MYH3: variants seen among roughly 807,000 people sequenced by gnomAD.
The protein encoded by MYH3 is myosin heavy chain 3.
Under a neutral mutation model 238.0 loss-of-function variants are expected in MYH3, and 130 were observed. That is an observed-to-expected ratio of 0.55 (90% CI 0.47 to 0.63). The LOEUF (loss-of-function observed/expected upper bound fraction) is 0.63. Ranked by LOEUF, MYH3 falls within the 30% of genes least tolerant of loss-of-function variation. MYH3 has a pLI of 0.00. For missense variants in MYH3, 1,853 were observed against 2,374.9 expected (o/e 0.78, Z 4.57); for synonymous variants, 880 against 924.1 (o/e 0.95, Z 0.86).
intron 3 of MYH3, among the ~76,000 whole-genome samples, chr17:10,653,804 G>A (rs2074401496): frequency 1.3e-5 from 2 of 152,192 alleles, no homozygotes; most frequent in Admixed American, 6.5e-5. Flanking sequence ...GGCCCTGGCT[G>A]TCTATGATGG....
intron 28 of MYH3, 116 bp from the exon 29 acceptor site, chr17:10,635,969 G>A: frequency 1.1e-6 from 1 of 908,570 alleles, no homozygotes; most frequent in South Asian, 1.3e-5. Context: ...ATAAGATATG[G>A]TTTCTTCTTC....
intron 7 of MYH3, among the ~76,000 whole-genome samples, chr17:10,649,151 G>C (rs565337365): frequency 3.3e-5 from 5 of 152,338 alleles, no homozygotes; most frequent in Admixed American, 6.5e-5. Context: ...TGGCACTACA[G>C]TTGGGGATCT....
At chr17:10,655,139 G>A in intron 2 of MYH3, 67 bp from the exon 3 acceptor site, 12 of 1,307,742 alleles carry the variant, frequency 9.2e-6, no homozygotes. Context: ...CTCCAGGCCT[G>A]TTTCAGCCTC....
the MYH3 span, among the ~76,000 whole-genome samples, chr17:10,664,729 G>A: frequency 1.3e-5 from 2 of 152,142 alleles, no homozygotes; most frequent in African/African-American, 2.4e-5. Flanking sequence ...GGCTACCGTC[G>A]CAGGCTGCAT....
chr17:10,666,436 T>G, the MYH3 span, among the ~76,000 whole-genome samples: 1 of 94,598 alleles, frequency 1.1e-5, no homozygotes, highest in Non-Finnish European at 2.4e-5. Flanking sequence ...CCAGCAGGCA[T>G]GGTGGTGCAT....
chr17:10,653,784 C>G (rs1310786972), intron 3 of MYH3, among the ~76,000 whole-genome samples: 1 of 152,180 alleles, frequency 6.6e-6, no homozygotes, highest in Non-Finnish European at 1.5e-5. Flanking sequence ...TCAAACCATC[C>G]CGGCCAATGG....
intron 7 of MYH3, among the ~76,000 whole-genome samples, 166 bp from the exon 8 acceptor site, chr17:10,648,815 A>G (rs896844699): frequency 4.6e-5 from 7 of 152,102 alleles, no homozygotes; most frequent in Non-Finnish European, 1.0e-4. Context: ...ACCTGGGACT[A>G]CAGGCATGCA....
At chr17:10,633,499 CA>C in intron 33 of MYH3, 91 bp downstream of exon 33, 2 of 1,570,798 alleles carry the variant, frequency 1.3e-6, no homozygotes, top group East Asian at 2.2e-5. Context: ...TTGACAAAGG[CA>C]AAAATGGAGA....
chr17:10,669,789 T>TA, the MYH3 span, among the ~76,000 whole-genome samples: 1 of 152,072 alleles, frequency 6.6e-6, no homozygotes, highest in South Asian at 2.1e-4. Flanking sequence ...TATGTGCCTG[T>TA]AGTCCTAGCT....
Position 10,640,170 on chromosome 17 carries a change from C to T in MYH3, c.2508G>A (p.Lys836=). 6.2e-7 allele frequency: 1 copy of T among 1,614,196 alleles called. No homozygotes were observed. The highest frequency in any genetic ancestry group is 8.5e-7 in the Non-Finnish European group (1 of 1,180,050). ...CTGCACTCTTGAGGAGGGGCTTGAT[C>T]TTGAAGAAGAGTTTCATCCAGGGCC... ...KHWPWMKLFF[K]IKPLLKSAET... The change falls in exon 22 of 41, where the codon AAG becomes AAA. Residue 836 remains lysine, a synonymous_variant. Transcript: ENST00000583535.
At chr17:10,650,064 TG>T in intron 6 of MYH3, among the ~76,000 whole-genome samples, 1 of 152,278 alleles carries the variant, frequency 6.6e-6, no homozygotes, top group Non-Finnish European at 1.5e-5. Context: ...CTCCGGCTCC[TG>T]GGTTCACGCC....
chr17:10,628,865 G>A (rs527342871), intron 40 of MYH3, among the ~76,000 whole-genome samples, 186 bp from the exon 41 acceptor site: 1 of 152,222 alleles, frequency 6.6e-6, no homozygotes, highest in South Asian at 2.1e-4. Context: ...CTGGCCCTCC[G>A]AAAGAGCAAG....
At position 10,655,183 on chromosome 17, in the gene MYH3, G is replaced by C. The variant is rs540540297; in HGVS notation, c.-8-111C>G. 9.2e-4 allele frequency: 792 copies of C among 857,914 alleles called. 3 individuals are homozygous for C. In the African/African-American group the frequency reaches 9.4e-3, roughly 10 times the overall value. 53.1% of individuals were successfully genotyped at this position (857,914 alleles called of 1,614,324 possible). On this transcript the variant is annotated intron_variant, in intron 2 of 40. Coordinates refer to ENST00000583535, the MANE Select transcript of MYH3 (RefSeq NM_002470.4). ...CCTCCTTCAGCCGCAGGAGCCCTCA[G>C]AGTCAGGGCCCCAGGAACCAGGCTG...
In MYH3 at chr17:10,632,130, T is replaced by C. The variant is rs200762404; in HGVS notation, c.4957-114A>G. On this transcript the variant is annotated intron_variant, in intron 34 of 40. Coordinates refer to ENST00000583535, the MANE Select transcript of MYH3 (RefSeq NM_002470.4). Reference sequence around the variant, plus strand: ...TGTTTGTTTTTGTTTTGTTTTGTTTTGTTTGTTTTGAGACAGGGTCTTGTT... The same window carrying C: ...TGTTTGTTTTTGTTTTGTTTTGTTTCGTTTGTTTTGAGACAGGGTCTTGTT... 3.8e-6 allele frequency: 3 copies of C among 786,386 alleles called. No homozygotes were observed. The African/African-American group carries it at 5.1e-5, about 13-fold the overall frequency. 48.7% of individuals were successfully genotyped at this position (786,386 alleles called of 1,614,324 possible).
At chr17:10,653,304 G>A (rs1336609630) in intron 3 of MYH3, among the ~76,000 whole-genome samples, 6 of 152,106 alleles carry the variant, frequency 3.9e-5, no homozygotes, top group Admixed American at 6.5e-5. Flanking sequence ...CCCTGCAGTC[G>A]TGAGGCAGGG....
At chr17:10,671,830 C>T in the MYH3 span, among the ~76,000 whole-genome samples, 1 of 152,038 alleles carries the variant, frequency 6.6e-6, no homozygotes, top group African/African-American at 2.4e-5. Flanking sequence ...CCGCCCGCCT[C>T]AGCCTCCCAA....
the MYH3 span, chr17:10,674,535 G>T: frequency 2.5e-5 from 5 of 200,718 alleles, no homozygotes; most frequent in Non-Finnish European, 5.1e-5. Context: ...GACACTGCCG[G>T]ACCACAGACT....
At chr17:10,641,938 G>A (rs565330964) in intron 17 of MYH3, among the ~76,000 whole-genome samples, 130 of 152,324 alleles carry the variant, frequency 8.5e-4, no homozygotes, top group African/African-American at 2.7e-3. Context: ...CAACTCAGGT[G>A]ATGGATCCAC....
At chr17:10,652,609 CTTTTTTTTTTTTTT>C (rs149916956) in intron 3 of MYH3, 46 bp from the exon 4 acceptor site, 31 of 427,832 alleles carry the variant, frequency 7.2e-5, no homozygotes, top group Admixed American at 9.1e-5. Context: ...GTCTGCACGT[CTTTTTTTTTTTTTT>C]TTTTTTTTTT....
Sources: gnomAD v4.1 joint callset for allele counts (sites outside exome capture counted in the v4.1 genomes callset) on GRCh38, gnomAD v4.1.1 for gene constraint, MANE v1.5 for transcripts, NCBI Gene and HGNC (gene_info 2026-07-23, HGNC 2026-07-21) for gene names.